ACTN1: variants seen among roughly 807,000 people sequenced by gnomAD.
ACTN1 encodes the protein actinin alpha 1.
A neutral mutation model predicts 119.6 loss-of-function variants in ACTN1; 30 were observed. The ratio of observed to expected loss-of-function variants is 0.25; its 90% CI spans 0.19 to 0.34. ACTN1 has a LOEUF of 0.34. Ranked by LOEUF, ACTN1 falls within the 10% of genes least tolerant of loss-of-function variation. The probability of loss-of-function intolerance (pLI) is 1.00; values close to 1 mark genes in which losing one functional copy is unlikely to be tolerated. For synonymous variants in ACTN1, 429 were observed against 472.6 expected (o/e 0.91, Z 1.20); for missense variants, 764 against 1,223.4 (o/e 0.62, Z 5.60).
intron 3 of ACTN1, among the ~76,000 whole-genome samples, chr14:68,915,971 G>A (rs2034270789): frequency 6.6e-6 from 1 of 152,192 alleles, no homozygotes; most frequent in African/African-American, 2.4e-5. Flanking sequence ...CTGAGATCGT[G>A]CCACTGCACT....
rs561557763 is a variant in ACTN1 at position 68,880,966 on chromosome 14, C to T, written c.1977G>A (p.Glu659=). ...GCTGGTCCTCCAGGGTCCCATGCAT[C>T]TCAATGGAGATCCTCCCGATCTCCT... ...KMEEIGRISI[E]MHGTLEDQLS... The change falls in exon 17 of 22, where the codon GAG becomes GAA. Residue 659 remains glutamate (E), a synonymous_variant. Coordinates refer to ENST00000394419, the MANE Select transcript of ACTN1 (RefSeq NM_001130004.2). This position sits in a 1 kb window ranked among gnomAD's most constrained non-coding sequence, Gnocchi z 4.6. 6.2e-7 allele frequency: 1 copy of T among 1,614,136 alleles called. No individual in the cohort carries two copies. Among genetic ancestry groups the T allele is most frequent in the South Asian group, 1.1e-5 (1 of 91,080 alleles).
chr14:68,961,769 G>A (rs1282887951), intron 1 of ACTN1, among the ~76,000 whole-genome samples: 1 of 152,220 alleles, frequency 6.6e-6, no homozygotes, highest in Non-Finnish European at 1.5e-5. Context: ...GGAGGCAGGA[G>A]CCATGACCCT....
Position 68,978,868 on chromosome 14 carries a change from C to G in ACTN1, c.105+84G>C, listed in dbSNP as rs1250068309. 1.3e-5 allele frequency: 13 copies of G among 981,930 alleles called. No individual in the cohort carries two copies. In the African/African-American group the frequency reaches 1.9e-4, roughly 14 times the overall value. The allele number at this position is 981,930 out of a possible 1,614,324, so 60.8% of individuals were successfully genotyped here. ...GCGCGCCCGGAACCGGTTCAGAGCC[C>G]GGAGCCGAGAGCCCGGCAGGCAGAG... On this transcript the variant is annotated intron_variant, in intron 1 of 21. Transcript: ENST00000394419.
chr14:68,901,788 C>T (rs1015130319), intron 8 of ACTN1, among the ~76,000 whole-genome samples: 2 of 152,226 alleles, frequency 1.3e-5, no homozygotes, highest in African/African-American at 2.4e-5. Flanking sequence ...AGAACCTGCA[C>T]GACTGAACTT....
chr14:68,909,930 G>T lies in ACTN1; in HGVS notation c.515+25C>A, dbSNP rs755518880. The T allele has an allele frequency of 6.2e-7, 1 of 1,606,442 alleles. No individual in the cohort carries two copies. The highest frequency in any genetic ancestry group is 1.1e-5 in the South Asian group (1 of 90,788). ...CGGGGGAGGCAGCCTGGTTCTGTGA[G>T]AGCCCCTCAGACCCCAGCACTCACC... On this transcript the variant is annotated intron_variant, in intron 5 of 21. Coordinates refer to ENST00000394419, the MANE Select transcript of ACTN1 (RefSeq NM_001130004.2). This position sits in a 1 kb window ranked among gnomAD's most constrained non-coding sequence, Gnocchi z 4.1.
chr14:68,918,956 G>A (rs900621898), intron 3 of ACTN1, among the ~76,000 whole-genome samples: 5 of 152,118 alleles, frequency 3.3e-5, no homozygotes, highest in African/African-American at 1.2e-4. Context: ...GTAAAACGTG[G>A]CTGGTGATAC....
chr14:68,883,584 CA>C (rs755138152), intron 14 of ACTN1, among the ~76,000 whole-genome samples: 13 of 151,936 alleles, frequency 8.6e-5, no homozygotes, highest in Non-Finnish European at 1.9e-4. Context: ...CCAGCCTGAG[CA>C]ACAAAGAAAA....
At chr14:68,924,143 C>A (rs2034793403) in intron 2 of ACTN1, among the ~76,000 whole-genome samples, 1 of 152,154 alleles carries the variant, frequency 6.6e-6, no homozygotes, top group Non-Finnish European at 1.5e-5. Context: ...TGTTGAACAG[C>A]TGTAGGGTGT....
intron 1 of ACTN1, among the ~76,000 whole-genome samples, chr14:68,939,165 T>C (rs957233900): frequency 1.3e-5 from 2 of 152,200 alleles, no homozygotes; most frequent in African/African-American, 2.4e-5. Context: ...AGGTGGAACC[T>C]ATGGGCTCCC....
Position 68,904,974 on chromosome 14 carries a change from G to A in ACTN1, c.595-238C>T, listed in dbSNP as rs937130249. On this transcript the variant is annotated intron_variant, in intron 6 of 21. Coordinates refer to ENST00000394419, the MANE Select transcript of ACTN1 (RefSeq NM_001130004.2). ...CTTCAGATTGTCAGGAAAATGGGGC[G>A]AAGTAGTCTGCAGCCTGAGTCGGGG... 6.6e-5 allele frequency among the ~76,000 whole-genome samples: 10 copies of A among 152,360 alleles called. 1 individual carries two copies. The South Asian group carries it at 8.3e-4, about 13-fold the overall frequency.
At chr14:68,895,200 G>C (rs2032783054) in intron 8 of ACTN1, among the ~76,000 whole-genome samples, 1 of 152,012 alleles carries the variant, frequency 6.6e-6, no homozygotes, top group African/African-American at 2.4e-5. Flanking sequence ...CCTGAGGTGG[G>C]GACTTTGAGT....
intron 1 of ACTN1, among the ~76,000 whole-genome samples, chr14:68,933,923 G>A (rs1302634360): frequency 1.3e-5 from 2 of 151,272 alleles, no homozygotes; most frequent in Non-Finnish European, 2.9e-5. Flanking sequence ...GCTACAGAGA[G>A]CCATGATTGT....
intron 3 of ACTN1, among the ~76,000 whole-genome samples, chr14:68,920,792 G>A (rs756611958): frequency 6.6e-6 from 1 of 152,136 alleles, no homozygotes; most frequent in Non-Finnish European, 1.5e-5. Flanking sequence ...TGGGAACAGG[G>A]GTCTAAGTCC....
In ACTN1 at chr14:68,880,258, C is replaced by G; in HGVS notation, c.2134-150G>C. ...TGAGTGTCACCAGAGGAAGGGGAAC[C>G]AGGACAAGGACAACCTACTAGGACA... On this transcript the variant is annotated intron_variant, in intron 17 of 21. Transcript: ENST00000394419. The surrounding 1 kb of genome is among the most constrained non-coding windows in gnomAD (Gnocchi z 4.6). The G allele has an allele frequency of 2.0e-6, 2 of 977,126 alleles. No homozygotes were observed. Among genetic ancestry groups the G allele is most frequent in the Non-Finnish European group, 3.0e-6 (2 of 676,152 alleles). 60.5% of individuals were successfully genotyped at this position (977,126 alleles called of 1,614,324 possible).
intron 1 of ACTN1, among the ~76,000 whole-genome samples, chr14:68,951,256 T>C (rs2036158742): frequency 6.6e-6 from 1 of 152,160 alleles, no homozygotes; most frequent in Non-Finnish European, 1.5e-5. Context: ...TCTTTTTCCC[T>C]TTCTAGGAAG....
At chr14:68,961,205 C>T (rs946487666) in intron 1 of ACTN1, among the ~76,000 whole-genome samples, 1 of 152,178 alleles carries the variant, frequency 6.6e-6, no homozygotes, top group African/African-American at 2.4e-5. Flanking sequence ...ATCTCACTTT[C>T]TCCAGGCAAG....
At chr14:68,958,009 T>C (rs930540386) in intron 1 of ACTN1, among the ~76,000 whole-genome samples, 3 of 152,104 alleles carry the variant, frequency 2.0e-5, no homozygotes, top group African/African-American at 7.2e-5. Context: ...TGGGCAAAAC[T>C]TTCCCAGGCG....
intron 1 of ACTN1, among the ~76,000 whole-genome samples, chr14:68,960,870 C>T (rs549743086): frequency 2.0e-5 from 3 of 152,122 alleles, no homozygotes; most frequent in South Asian, 4.2e-4. Flanking sequence ...ACCAGGAGTT[C>T]GAAACCAGCC....
chr14:68,974,814 C>A (rs1303329115), intron 1 of ACTN1, among the ~76,000 whole-genome samples: 1 of 152,234 alleles, frequency 6.6e-6, no homozygotes, highest in Non-Finnish European at 1.5e-5. Context: ...TGAGAAGGAA[C>A]TGTCTACATT....
Sources: gnomAD v4.1 joint callset for allele counts (sites outside exome capture counted in the v4.1 genomes callset) on GRCh38, gnomAD v4.1.1 for gene constraint, Gnocchi (gnomAD v3.1) non-coding constraint, MANE v1.5 for transcripts, NCBI Gene and HGNC (gene_info 2026-07-23, HGNC 2026-07-21) for gene names.